THRB: variants seen among roughly 807,000 people sequenced by gnomAD.
THRB encodes the protein thyroid hormone receptor beta.
In THRB, 12 loss-of-function variants were observed where a neutral mutation model predicts 47.8. The ratio of observed to expected loss-of-function variants is 0.25; its 90% CI spans 0.16 to 0.41. The LOEUF (loss-of-function observed/expected upper bound fraction) is 0.41. Among genes scored for constraint, THRB ranks in the 10% least tolerant of loss-of-function variants. The pLI is 1.00. For missense variants in THRB, 348 were observed against 589.2 expected (o/e 0.59, Z 4.24); for synonymous variants, 218 against 212.2 (o/e 1.03, Z -0.24).
chr3:24,129,005 A>G (rs2033395475), intron 9 of THRB, among the ~76,000 whole-genome samples: 1 of 151,580 alleles, frequency 6.6e-6, no homozygotes, highest in Admixed American at 6.6e-5. Context: ...GCAATACTCA[A>G]CCAGTCCAAT....
chr3:24,201,365 A>G (rs183921933), intron 4 of THRB, among the ~76,000 whole-genome samples: 172 of 152,222 alleles, frequency 1.1e-3, no homozygotes, highest in Non-Finnish European at 1.9e-3. Flanking sequence ...GCTTGTGAAT[A>G]TCTACGGCCC....
chr3:24,251,311 C>A (rs1210612117), intron 3 of THRB, among the ~76,000 whole-genome samples: 1 of 151,852 alleles, frequency 6.6e-6, no homozygotes, highest in Non-Finnish European at 1.5e-5. Flanking sequence ...TAAAAGAAAG[C>A]TGAAAGAGAA....
Position 24,400,383 on chromosome 3 carries a change from C to G in THRB, c.-260-63012G>C, listed in dbSNP as rs186314518. 2.8e-4 allele frequency among the ~76,000 whole-genome samples: 43 copies of G among 151,918 alleles called. No individual in the cohort carries two copies. The East Asian group carries it at 8.3e-3, about 29-fold the overall frequency. ...ACATGAGACCTAGATTTTTTTTATGCAAAACAAAATGCATCTCCTTTCCCA... is the reference window on the plus strand; with the variant it reads ...ACATGAGACCTAGATTTTTTTTATGGAAAACAAAATGCATCTCCTTTCCCA... On this transcript the variant is annotated intron_variant, in intron 1 of 10. Transcript: ENST00000646209.
At chr3:24,163,360 C>T (rs1249993239) in intron 5 of THRB, among the ~76,000 whole-genome samples, 1 of 152,052 alleles carries the variant, frequency 6.6e-6, no homozygotes, top group African/African-American at 2.4e-5. Context: ...TTAGTTCATG[C>T]ATCAAATTAA....
chr3:24,373,268 C>T (rs570918463), intron 1 of THRB, among the ~76,000 whole-genome samples: 3 of 152,106 alleles, frequency 2.0e-5, no homozygotes, highest in South Asian at 2.1e-4. Context: ...TCTTTTCTCA[C>T]GATCTGGAGA....
intron 4 of THRB, among the ~76,000 whole-genome samples, chr3:24,201,318 G>A (rs773540357): frequency 6.6e-6 from 1 of 151,896 alleles, no homozygotes; most frequent in Non-Finnish European, 1.5e-5. Context: ...TCTCTACTTG[G>A]GTCAGGTGTG....
intron 4 of THRB, among the ~76,000 whole-genome samples, chr3:24,200,617 T>C (rs563699898): frequency 1.3e-5 from 2 of 152,324 alleles, no homozygotes; most frequent in South Asian, 4.1e-4. Context: ...TCATAGAATC[T>C]CACTACAATT....
At chr3:24,163,289 C>A (rs1451328774) in intron 5 of THRB, among the ~76,000 whole-genome samples, 2 of 152,108 alleles carry the variant, frequency 1.3e-5, no homozygotes, top group African/African-American at 2.4e-5. Context: ...GTGGCGGTGG[C>A]CTTTCAATGA....
intron 2 of THRB, among the ~76,000 whole-genome samples, chr3:24,331,055 T>A (rs2061893543): frequency 6.6e-6 from 1 of 152,086 alleles, no homozygotes; most frequent in African/African-American, 2.4e-5. Flanking sequence ...TTTTTGGATA[T>A]AAGGAGTTCC....
chr3:24,385,260 A>T (rs908879032), intron 1 of THRB, among the ~76,000 whole-genome samples: 1 of 152,142 alleles, frequency 6.6e-6, no homozygotes, highest in Non-Finnish European at 1.5e-5. Flanking sequence ...AATACAGACA[A>T]CTGGCCATCA....
intron 3 of THRB, among the ~76,000 whole-genome samples, chr3:24,261,446 C>T (rs545996487): frequency 2.8e-4 from 38 of 133,492 alleles, no homozygotes; most frequent in Admixed American, 6.9e-4. Flanking sequence ...TTGCAGTGAG[C>T]GGAGATCGTG....
intron 5 of THRB, among the ~76,000 whole-genome samples, chr3:24,184,021 G>GTTTGATGTATATCTGGGAAC (rs1163624418): frequency 6.6e-6 from 1 of 152,080 alleles, no homozygotes; most frequent in African/African-American, 2.4e-5. Flanking sequence ...ACTGAAACAA[G>GTTTGATGTATATCTGGGAAC]TTTGATGTAT....
chr3:24,232,687 A>G (rs1247340253), intron 3 of THRB, among the ~76,000 whole-genome samples: 1 of 152,104 alleles, frequency 6.6e-6, no homozygotes. Flanking sequence ...TTAAAGCTTT[A>G]CAGCAGCTCG....
At chr3:24,323,106 G>T (rs544443621) in intron 2 of THRB, among the ~76,000 whole-genome samples, 1 of 152,232 alleles carries the variant, frequency 6.6e-6, no homozygotes, top group East Asian at 1.9e-4. Flanking sequence ...ATAAAGTGAT[G>T]TCATTCCGTT....
intron 4 of THRB, among the ~76,000 whole-genome samples, chr3:24,216,089 T>C (rs943289751): frequency 6.6e-6 from 1 of 152,240 alleles, no homozygotes; most frequent in Non-Finnish European, 1.5e-5. Context: ...TGGCTATCTT[T>C]TATATCATTC....
chr3:24,198,442 G>A lies in THRB; in HGVS notation c.23-8108C>T, dbSNP rs1178852440. The stretch of plus-strand genomic sequence containing the variant: ...CAGAAATACAGTAAGTGTTCAAAGT[G>A]TCTCCCCCCGCCCCCCCCCCCCCCT... On this transcript the variant is annotated intron_variant, in intron 4 of 10. Transcript: ENST00000646209. Among the ~76,000 whole-genome samples, 11 of 57,672 alleles carry A rather than the reference G, an allele frequency of 1.9e-4. 1 individual carries two copies. In the South Asian group the frequency reaches 0.011, roughly 59 times the overall value. The allele number at this position is 57,672 out of a possible 152,430, so 37.8% of individuals were successfully genotyped here.
At chr3:24,135,318 G>T (rs1367796001) in intron 8 of THRB, among the ~76,000 whole-genome samples, 1 of 152,150 alleles carries the variant, frequency 6.6e-6, no homozygotes, top group African/African-American at 2.4e-5. Flanking sequence ...ACAGCCTCAG[G>T]GGAAGGTTTT....
chr3:24,305,436 T>A (rs769895377), intron 2 of THRB, among the ~76,000 whole-genome samples: 2 of 152,148 alleles, frequency 1.3e-5, no homozygotes, highest in African/African-American at 4.8e-5. Context: ...CCTCTAGCAA[T>A]AGAAGTTGCA....
In THRB at chr3:24,120,673, G is replaced by A. The variant is rs1278238811; in HGVS notation, c.*2211C>T. ...CAAAGAGCGGTTGGTTCCTCAAGGAGTCAAGAGAGGAAGCTGAAATATTAG... is the reference window on the plus strand; with the variant it reads ...CAAAGAGCGGTTGGTTCCTCAAGGAATCAAGAGAGGAAGCTGAAATATTAG... On this transcript the variant is annotated 3_prime_UTR_variant, in exon 11 of 11. Coordinates refer to ENST00000646209, the MANE Select transcript of THRB (RefSeq NM_001354712.2). 1 of 152,276 alleles carries A rather than the reference G, an allele frequency of 6.6e-6. No individual in the cohort carries two copies. The highest frequency in any genetic ancestry group is 1.5e-5 in the Non-Finnish European group (1 of 68,092). 9.4% of individuals were successfully genotyped at this position (152,276 alleles called of 1,614,324 possible). A position where few individuals can be genotyped will look rare whatever the true frequency, so the allele number is the denominator to read the frequency against.
Sources: gnomAD v4.1 joint callset for allele counts (sites outside exome capture counted in the v4.1 genomes callset) on GRCh38, gnomAD v4.1.1 for gene constraint, MANE v1.5 for transcripts, NCBI Gene and HGNC (gene_info 2026-07-23, HGNC 2026-07-21) for gene names.